PDZD2: variants seen among roughly 807,000 people sequenced by gnomAD.
PDZD2 encodes PDZ domain-containing protein 2.
Under a neutral mutation model 220.7 loss-of-function variants are expected in PDZD2, and 90 were observed. That is an observed-to-expected ratio of 0.41 (90% CI 0.34 to 0.49). PDZD2 has a LOEUF of 0.49. Among genes scored for constraint, PDZD2 ranks in the 20% least tolerant of loss-of-function variants. The probability of loss-of-function intolerance (pLI) is 0.28; values close to 1 mark genes in which losing one functional copy is unlikely to be tolerated. For missense variants in PDZD2, 3,174 were observed against 3,608.5 expected (o/e 0.88, Z 3.08); for synonymous variants, 1,375 against 1,450.5 (o/e 0.95, Z 1.18).
rs1745133958 is a variant in PDZD2 at position 32,109,297 on chromosome 5, G to A, written c.*1162G>A. 6.6e-6 allele frequency: 1 copy of A among 151,752 alleles called. No homozygotes were observed. Among genetic ancestry groups the A allele is most frequent in the Non-Finnish European group, 1.5e-5 (1 of 68,024 alleles). The allele number at this position is 151,752 out of a possible 1,614,324, so 9.4% of individuals were successfully genotyped here. On this transcript the variant is annotated 3_prime_UTR_variant, in exon 25 of 25. Coordinates refer to ENST00000438447, the MANE Select transcript of PDZD2 (RefSeq NM_178140.4). ...TTGACCTAGTATAATGACAACTGCA[G>A]TGACTTAAGTTTTTGCTGTTTTCGT... is the stretch of plus-strand genomic sequence containing the variant.
At chr5:32,082,352 C>T (rs1742058175) in intron 19 of PDZD2, among the ~76,000 whole-genome samples, 2 of 151,834 alleles carry the variant, frequency 1.3e-5, no homozygotes, top group African/African-American at 4.8e-5. Context: ...CTGAAATATC[C>T]AAAAATGCAT....
chr5:31,699,257 T>A (rs1374415708), intron 1 of PDZD2, among the ~76,000 whole-genome samples: 2 of 151,788 alleles, frequency 1.3e-5, no homozygotes, highest in African/African-American at 2.4e-5. Context: ...ATCAGAAAAA[T>A]CTCAAGAAGG....
chr5:31,790,788 T>C (rs888150056), intron 1 of PDZD2, among the ~76,000 whole-genome samples: 22 of 137,350 alleles, frequency 1.6e-4, no homozygotes, highest in African/African-American at 5.0e-4. Flanking sequence ...AAGCTCCGCC[T>C]CCTGGGTTCA....
At chr5:32,037,987 G>A (rs972739816) in intron 7 of PDZD2, among the ~76,000 whole-genome samples, 6 of 151,142 alleles carry the variant, frequency 4.0e-5, no homozygotes, top group Non-Finnish European at 5.9e-5. Flanking sequence ...GATTACAAGC[G>A]CCCGCCACCG....
chr5:32,069,462 G>A, intron 14 of PDZD2, 107 bp from the exon 15 acceptor site: 1 of 698,982 alleles, frequency 1.4e-6, no homozygotes, highest in South Asian at 1.6e-5. Flanking sequence ...TTGGCCCTGT[G>A]GTTTGCCTCT....
rs749545097 is a variant in PDZD2 at position 32,074,549 on chromosome 5, G to C, written c.3443G>C (p.Arg1148Thr). 6.2e-7 allele frequency: 1 copy of C among 1,614,140 alleles called. No homozygotes were observed. The highest frequency in any genetic ancestry group is 8.5e-7 in the Non-Finnish European group (1 of 1,180,026). The change falls in exon 18 of 25, where the codon AGA becomes ACA. Residue 1148 changes from arginine (R) to threonine (T), a missense_variant. By Grantham distance (71) the Arg-to-Thr change is moderately conservative. This residue lies in a region of PDZD2 where 1,861 missense variants were observed against 2,001.0 expected (regional missense o/e 0.93). Coordinates refer to ENST00000438447, the MANE Select transcript of PDZD2 (RefSeq NM_178140.4). ...SGSQTVNLTGRANDPCDLDSR... is the reference protein window; with the variant it reads ...SGSQTVNLTGTANDPCDLDSR... ...TCACAGACAGTGAACCTGACTGGCAGAGCCAATGATCCATGCGATCTGGAC... is the reference window on the plus strand; with the variant it reads ...TCACAGACAGTGAACCTGACTGGCACAGCCAATGATCCATGCGATCTGGAC...
At chr5:32,058,144 T>A in intron 12 of PDZD2, 41 bp downstream of exon 12, 1 of 1,033,794 alleles carries the variant, frequency 9.7e-7, no homozygotes, top group Non-Finnish European at 1.5e-6. Flanking sequence ...ATTTCTTGAA[T>A]AACATTTTGG....
In PDZD2 at chr5:32,032,987, T is replaced by C. The variant is rs568208258; in HGVS notation, c.1408-4244T>C. Among the ~76,000 whole-genome samples the C allele has an allele frequency of 2.2e-4, 34 of 152,302 alleles. No individual in the cohort carries two copies. The South Asian group carries it at 3.9e-3, about 18-fold the overall frequency. On this transcript the variant is annotated intron_variant, in intron 6 of 24. Coordinates refer to ENST00000438447, the MANE Select transcript of PDZD2 (RefSeq NM_178140.4). ...AAACAGGAAGGCTCTACCATGGAAATTGGCAAATTCTATGAGACTCCATTA... is the reference window on the plus strand; with the variant it reads ...AAACAGGAAGGCTCTACCATGGAAACTGGCAAATTCTATGAGACTCCATTA...
chr5:31,985,477 T>A (rs1454958808), intron 3 of PDZD2, among the ~76,000 whole-genome samples: 2 of 150,544 alleles, frequency 1.3e-5, no homozygotes, highest in African/African-American at 4.9e-5. Flanking sequence ...AGTAGATAAC[T>A]TAATGCCAGG....
At chr5:32,024,778 G>A (rs1238735373) in intron 6 of PDZD2, among the ~76,000 whole-genome samples, 1 of 152,150 alleles carries the variant, frequency 6.6e-6, no homozygotes, top group African/African-American at 2.4e-5. Context: ...TAGATGAGGA[G>A]TTACAACTGA....
At position 32,108,114 on chromosome 5, in the gene PDZD2, A is replaced by C. The variant is rs755883499; in HGVS notation, c.8499A>C (p.Arg2833Ser). ...VPEGPVQLLI[R>S]KHRNSS ...AAGGACCTGTGCAGTTATTAATTAG[A>C]AAGCATAGGAATTCTTCATGAATTT... The change falls in exon 25 of 25, where the codon AGA becomes AGC. Residue 2833 changes from arginine to serine, a missense_variant. Arg to Ser is a moderately radical substitution (Grantham distance 110). Transcript: ENST00000438447. 2 of 1,599,160 alleles carry C rather than the reference A, an allele frequency of 1.3e-6. No individual in the cohort carries two copies. Among genetic ancestry groups the C allele is most frequent in the African/African-American group, 2.7e-5 (2 of 74,342 alleles).
chr5:31,721,462 G>A (rs925912973), intron 1 of PDZD2, among the ~76,000 whole-genome samples: 2 of 150,810 alleles, frequency 1.3e-5, no homozygotes, highest in Non-Finnish European at 2.9e-5. Flanking sequence ...AATATACAGT[G>A]CCTTTTCAGA....
chr5:31,949,056 C>A (rs1746929724), intron 2 of PDZD2, among the ~76,000 whole-genome samples: 1 of 142,972 alleles, frequency 7.0e-6, no homozygotes, highest in South Asian at 2.3e-4. Context: ...TGAGATGGAG[C>A]CACTGCCCTT....
intron 6 of PDZD2, among the ~76,000 whole-genome samples, chr5:32,026,035 T>A (rs1561382570): frequency 6.6e-6 from 1 of 152,232 alleles, no homozygotes; most frequent in African/African-American, 2.4e-5. Context: ...CCTGGTATGT[T>A]TACTGTTGCT....
chr5:32,035,822 G>A (rs1483522708), intron 6 of PDZD2, among the ~76,000 whole-genome samples: 2 of 152,286 alleles, frequency 1.3e-5, no homozygotes, highest in East Asian at 3.9e-4. Context: ...CAATTGGGAG[G>A]AAGATTCCTG....
At chr5:31,837,313 G>C (rs929411390) in intron 2 of PDZD2, among the ~76,000 whole-genome samples, 2 of 152,284 alleles carry the variant, frequency 1.3e-5, no homozygotes, top group East Asian at 1.9e-4. Context: ...TTGGGTACCA[G>C]GGGGAGCAGA....
At chr5:31,640,349 G>C (rs1240352725) in intron 1 of PDZD2, among the ~76,000 whole-genome samples, 1 of 152,222 alleles carries the variant, frequency 6.6e-6, no homozygotes, top group African/African-American at 2.4e-5. Context: ...GGGCATTCCA[G>C]AGCTCCAGAC....
chr5:31,955,036 C>T (rs1473750370), intron 2 of PDZD2, among the ~76,000 whole-genome samples: 3 of 152,170 alleles, frequency 2.0e-5, no homozygotes, highest in Admixed American at 6.5e-5. Flanking sequence ...TGGAGCATCC[C>T]CAAGCCCCGT....
intron 1 of PDZD2, among the ~76,000 whole-genome samples, chr5:31,796,674 T>A (rs1207128297): frequency 6.6e-6 from 1 of 152,166 alleles, no homozygotes; most frequent in Admixed American, 6.5e-5. Flanking sequence ...AATTTCCGTT[T>A]ATTTATGTAT....
Sources: gnomAD v4.1 joint callset for allele counts (sites outside exome capture counted in the v4.1 genomes callset) on GRCh38, gnomAD v4.1.1 for gene constraint, gnomAD v4.1.1 regional missense constraint, MANE v1.5 for transcripts, NCBI Gene and HGNC (gene_info 2026-07-23, HGNC 2026-07-21) for gene names.